Variants in NEGR1 observed in about 807,000 individuals in gnomAD.
The protein encoded by NEGR1 is neuronal growth regulator 1.
A neutral mutation model predicts 40.9 loss-of-function variants in NEGR1; 10 were observed. The ratio of observed to expected loss-of-function variants is 0.24; its 90% confidence interval spans 0.15 to 0.42. The LOEUF (loss-of-function observed/expected upper bound fraction) is 0.42. Ranked by LOEUF, NEGR1 falls within the 10% of genes least tolerant of loss-of-function variation. NEGR1 has a pLI of 1.00. For missense variants in NEGR1, 352 were observed against 438.9 expected (o/e 0.80, Z 1.77); for synonymous variants, 185 against 166.8 (o/e 1.11, Z -0.84).
intron 6 of NEGR1, among the ~76,000 whole-genome samples, chr1:71,444,011 T>C (rs1646564796): frequency 6.6e-6 from 1 of 152,198 alleles, no homozygotes; most frequent in South Asian, 2.1e-4. Context: ...TAGCATCACA[T>C]GTGTGCATCA....
At chr1:71,771,390 A>G (rs1351994381) in intron 3 of NEGR1, among the ~76,000 whole-genome samples, 1 of 152,110 alleles carries the variant, frequency 6.6e-6, no homozygotes, top group African/African-American at 2.4e-5. Context: ...TGGCATGTGT[A>G]TACCTATGTA....
At chr1:71,599,415 C>T (rs1426816568) in intron 5 of NEGR1, among the ~76,000 whole-genome samples, 1 of 152,152 alleles carries the variant, frequency 6.6e-6, no homozygotes, top group Non-Finnish European at 1.5e-5. Context: ...CTCATCTAAG[C>T]TTTTCACAGA....
intron 6 of NEGR1, among the ~76,000 whole-genome samples, chr1:71,546,194 C>T (rs1647889928): frequency 6.6e-6 from 1 of 151,708 alleles, no homozygotes; most frequent in African/African-American, 2.4e-5. Context: ...TTGAAATCTA[C>T]ATACATAAGG....
intron 1 of NEGR1, among the ~76,000 whole-genome samples, chr1:71,969,206 G>T (rs1288984994): frequency 1.3e-5 from 2 of 151,968 alleles, no homozygotes. Flanking sequence ...GTAGAGATGG[G>T]GTTTCACCAT....
intron 1 of NEGR1, among the ~76,000 whole-genome samples, chr1:72,004,402 G>T (rs1018371721): frequency 6.6e-6 from 1 of 152,070 alleles, no homozygotes; most frequent in Non-Finnish European, 1.5e-5. Flanking sequence ...TGCCTCCCGG[G>T]TTCAAACTTC....
At chr1:71,629,011 A>C (rs960827054) in intron 4 of NEGR1, among the ~76,000 whole-genome samples, 12 of 152,094 alleles carry the variant, frequency 7.9e-5, no homozygotes, top group Admixed American at 3.3e-4. Context: ...CAATGGTTGA[A>C]CTAATTTACA....
rs17092179 is a variant in NEGR1, at chr1:72,034,251, T to C, written c.177-98940A>G. 4.9e-3 allele frequency among the ~76,000 whole-genome samples: 746 copies of C among 152,340 alleles called. 3 individuals are homozygous for C. Among genetic ancestry groups the C allele is most frequent in the African/African-American group, 0.017 (686 of 41,570 alleles). On this transcript the variant is annotated intron_variant, in intron 1 of 6. Transcript: ENST00000357731. ...CCTCGCCAAAACCACACAGGTGTGT[T>C]ACTTCCCTGTAGTACTGTTTTATTT...
chr1:71,773,413 T>A (rs921467767), intron 3 of NEGR1, among the ~76,000 whole-genome samples: 3 of 152,180 alleles, frequency 2.0e-5, no homozygotes, highest in Non-Finnish European at 4.4e-5. Context: ...TTGGGACACA[T>A]TTTCTTTCAT....
intron 1 of NEGR1, among the ~76,000 whole-genome samples, chr1:71,995,568 G>T (rs1646497335): frequency 6.6e-6 from 1 of 152,018 alleles, no homozygotes; most frequent in Non-Finnish European, 1.5e-5. Flanking sequence ...TGTACTTAAG[G>T]ATTAACTGAA....
chr1:71,503,018 G>T (rs1187625250), intron 6 of NEGR1, among the ~76,000 whole-genome samples: 1 of 152,240 alleles, frequency 6.6e-6, no homozygotes, highest in Non-Finnish European at 1.5e-5. Flanking sequence ...TAGGCCTAGG[G>T]AACAATAGAA....
chr1:71,928,446 A>ATATACACATATGTG (rs1645818963), intron 2 of NEGR1, among the ~76,000 whole-genome samples: 1 of 127,900 alleles, frequency 7.8e-6, no homozygotes, highest in Non-Finnish European at 1.6e-5. Context: ...ACACATATAT[A>ATATACACATATGTG]TGTATATATA....
At chr1:71,910,647 A>C (rs1373699266) in intron 2 of NEGR1, among the ~76,000 whole-genome samples, 1 of 152,166 alleles carries the variant, frequency 6.6e-6, no homozygotes, top group Non-Finnish European at 1.5e-5. Flanking sequence ...TTAAGCTTTT[A>C]AAGTAGGTTG....
chr1:72,120,701 C>G (rs1293233850), intron 1 of NEGR1, among the ~76,000 whole-genome samples: 1 of 151,926 alleles, frequency 6.6e-6, no homozygotes, highest in Non-Finnish European at 1.5e-5. Flanking sequence ...TGATATTCCC[C>G]TTCCTGTGTC....
chr1:71,943,550 C>G (rs1390432729), intron 1 of NEGR1, among the ~76,000 whole-genome samples: 1 of 151,818 alleles, frequency 6.6e-6, no homozygotes, highest in Non-Finnish European at 1.5e-5. Context: ...TTAGGAGGGG[C>G]CATGCCAAAC....
intron 1 of NEGR1, among the ~76,000 whole-genome samples, chr1:72,252,207 G>A (rs1264846087): frequency 2.6e-5 from 4 of 151,876 alleles, no homozygotes; most frequent in Admixed American, 2.6e-4. Context: ...ACCATGCTCG[G>A]CTAATTTTGT....
At chr1:71,791,588 T>A (rs916140075) in intron 2 of NEGR1, among the ~76,000 whole-genome samples, 2 of 152,142 alleles carry the variant, frequency 1.3e-5, no homozygotes. Context: ...TAATATTTCA[T>A]AATAATAGAA....
At chr1:71,509,611 A>G (rs1206891962) in intron 6 of NEGR1, among the ~76,000 whole-genome samples, 1 of 152,164 alleles carries the variant, frequency 6.6e-6, no homozygotes, top group Non-Finnish European at 1.5e-5. Context: ...TCCATAAAAT[A>G]CCCAAAAATA....
At chr1:71,590,186 T>A (rs1366250749) in intron 6 of NEGR1, among the ~76,000 whole-genome samples, 1 of 152,142 alleles carries the variant, frequency 6.6e-6, no homozygotes, top group East Asian at 1.9e-4. Flanking sequence ...ATTCTCTTTT[T>A]TGTGTCACTA....
intron 2 of NEGR1, among the ~76,000 whole-genome samples, chr1:71,824,682 C>T (rs953677922): frequency 1.3e-5 from 2 of 151,886 alleles, no homozygotes; most frequent in Non-Finnish European, 2.9e-5. Flanking sequence ...GTCTCTGTTC[C>T]TCTCCACACA....
Sources: gnomAD v4.1 joint callset for allele counts (sites outside exome capture counted in the v4.1 genomes callset) on GRCh38, gnomAD v4.1.1 for gene constraint, MANE v1.5 for transcripts, NCBI Gene and HGNC (gene_info 2026-07-23, HGNC 2026-07-21) for gene names.